The following PTPRD variants were observed in gnomAD, a reference collection of about 807,000 sequenced individuals.
PTPRD encodes the protein protein tyrosine phosphatase receptor type D.
Under a neutral mutation model 214.5 loss-of-function variants are expected in PTPRD, and 34 were observed. The ratio of observed to expected loss-of-function variants is 0.16; its 90% CI spans 0.12 to 0.21. The LOEUF (loss-of-function observed/expected upper bound fraction) is 0.21. Among genes scored for constraint, PTPRD ranks in the 10% least tolerant of loss-of-function variants. The pLI is 1.00. For missense variants in PTPRD, 2,545 were observed against 2,398.7 expected (o/e 1.06, Z -1.27); for synonymous variants, 1,128 against 845.7 (o/e 1.33, Z -5.79).
intron 7 of PTPRD, among the ~76,000 whole-genome samples, chr9:9,721,986 A>G (rs944337578): frequency 6.6e-6 from 1 of 152,044 alleles, no homozygotes. Context: ...AGATTAAGGT[A>G]TGTGTGAGTG....
intron 2 of PTPRD, among the ~76,000 whole-genome samples, chr9:10,576,560 A>C (rs894493755): frequency 2.6e-5 from 4 of 152,112 alleles, no homozygotes; most frequent in African/African-American, 7.2e-5. Flanking sequence ...TGGCGGACTC[A>C]CCTCTTAGAC....
At chr9:8,422,980 T>C (rs574138588) in intron 35 of PTPRD, among the ~76,000 whole-genome samples, 1 of 152,328 alleles carries the variant, frequency 6.6e-6, no homozygotes, top group Non-Finnish European at 1.5e-5. Flanking sequence ...TGCAGCCACA[T>C]AGGCACTCCT....
At chr9:9,079,887 G>C (rs1213363060) in intron 10 of PTPRD, among the ~76,000 whole-genome samples, 1 of 152,042 alleles carries the variant, frequency 6.6e-6, no homozygotes, top group Non-Finnish European at 1.5e-5. Flanking sequence ...TAATACATTG[G>C]TGATGATGTG....
chr9:8,868,279 A>G (rs1473028488), intron 11 of PTPRD, among the ~76,000 whole-genome samples: 2 of 152,170 alleles, frequency 1.3e-5, no homozygotes, highest in Non-Finnish European at 2.9e-5. Flanking sequence ...AGCTACTGCA[A>G]CCTCTGCCTC....
chr9:9,583,419 C>G (rs7021897), intron 7 of PTPRD, among the ~76,000 whole-genome samples: 1,596 of 152,086 alleles, frequency 0.01, 25 homozygotes, highest in African/African-American at 0.037. Flanking sequence ...CAACAATAAC[C>G]TCAATCTATA....
At chr9:8,528,285 G>GA (rs1196110854) in intron 15 of PTPRD, 4 of 433,962 alleles carry the variant, frequency 9.2e-6, no homozygotes, top group African/African-American at 8.2e-5. Flanking sequence ...AGAAAGAGGA[G>GA]AAAATGGATC....
At chr9:8,735,250 T>C (rs1294948422) in intron 11 of PTPRD, among the ~76,000 whole-genome samples, 1 of 151,588 alleles carries the variant, frequency 6.6e-6, no homozygotes, top group Non-Finnish European at 1.5e-5. Context: ...TTCAAGTGGT[T>C]CTCCTGTCTC....
chr9:8,847,235 A>G (rs1231752910), intron 11 of PTPRD, among the ~76,000 whole-genome samples: 2 of 152,246 alleles, frequency 1.3e-5, no homozygotes, highest in East Asian at 3.9e-4. Flanking sequence ...TAAAAGTCGG[A>G]TTAAAATAAA....
intron 9 of PTPRD, among the ~76,000 whole-genome samples, chr9:9,194,984 C>CGT (rs142990152): frequency 0.14 from 21,299 of 148,110 alleles, 1,775 homozygotes; most frequent in Non-Finnish European, 0.19. Flanking sequence ...TTGAACCCTA[C>CGT]GTGTGTGTGT....
intron 3 of PTPRD, among the ~76,000 whole-genome samples, chr9:10,292,174 T>A (rs1452469778): frequency 6.6e-6 from 1 of 152,072 alleles, no homozygotes; most frequent in Non-Finnish European, 1.5e-5. Context: ...CAGCACATTT[T>A]CAATTGCCCA....
intron 8 of PTPRD, among the ~76,000 whole-genome samples, chr9:9,424,615 G>T (rs1423616294): frequency 1.3e-5 from 2 of 152,046 alleles, no homozygotes; most frequent in Non-Finnish European, 2.9e-5. Context: ...GGAGAAAAAC[G>T]GTGAAAGGCT....
intron 11 of PTPRD, among the ~76,000 whole-genome samples, chr9:8,744,110 C>T (rs2092478289): frequency 1.3e-5 from 2 of 152,098 alleles, no homozygotes; most frequent in South Asian, 4.1e-4. Context: ...CACCTCGGTC[C>T]TGCAACAATG....
chr9:10,336,605 C>T (rs912657874), intron 3 of PTPRD, among the ~76,000 whole-genome samples: 3 of 151,454 alleles, frequency 2.0e-5, no homozygotes, highest in Non-Finnish European at 4.4e-5. Flanking sequence ...ATAAAATCTC[C>T]AGTAGCCAAG....
intron 35 of PTPRD, among the ~76,000 whole-genome samples, chr9:8,415,942 G>A (rs141376558): frequency 5.9e-5 from 9 of 152,182 alleles, no homozygotes; most frequent in African/African-American, 2.2e-4. Flanking sequence ...CTCAAGGTCT[G>A]GAAGCCTGTC....
chr9:9,982,823 A>G (rs917956298), intron 4 of PTPRD, among the ~76,000 whole-genome samples: 2 of 152,168 alleles, frequency 1.3e-5, no homozygotes, highest in Non-Finnish European at 2.9e-5. Context: ...ATAGCTTTCT[A>G]TTTATAATGC....
chr9:10,523,195 G>A (rs564592111), intron 2 of PTPRD, among the ~76,000 whole-genome samples: 6 of 152,060 alleles, frequency 3.9e-5, no homozygotes, highest in South Asian at 2.1e-4. Flanking sequence ...AGTACATATC[G>A]TGATGTTTTA....
intron 14 of PTPRD, among the ~76,000 whole-genome samples, chr9:8,608,109 G>A (rs1039797035): frequency 7.0e-6 from 1 of 143,180 alleles, no homozygotes; most frequent in Non-Finnish European, 1.5e-5. Flanking sequence ...ATAGGACACA[G>A]TATTTCTAAA....
In PTPRD at chr9:9,284,304, A is replaced by T. The variant is rs1026931129; in HGVS notation, c.-202-100941T>A. Reference sequence around the variant, plus strand: ...GTTTGTTGGTTTTTATTATCCCATCATCTGGATTTAAAGGCAACTTTAAAA... The same window carrying T: ...GTTTGTTGGTTTTTATTATCCCATCTTCTGGATTTAAAGGCAACTTTAAAA... On this transcript the variant is annotated intron_variant, in intron 9 of 45. Coordinates refer to ENST00000381196, the MANE Select transcript of PTPRD (RefSeq NM_002839.4). Among the ~76,000 whole-genome samples, 7 of 151,644 alleles carry T rather than the reference A, an allele frequency of 4.6e-5. No individual in the cohort carries two copies. In the South Asian group the frequency reaches 8.3e-4, roughly 18 times the overall value.
rs190541137 is a variant in PTPRD, at chr9:8,472,167, A to C, written c.3414-1082T>G. 1.4e-3 allele frequency among the ~76,000 whole-genome samples: 207 copies of C among 152,286 alleles called. 3 individuals carry two copies. The South Asian group carries it at 0.017, about 13-fold the overall frequency. On this transcript the variant is annotated intron_variant, in intron 30 of 45. Coordinates refer to ENST00000381196, the MANE Select transcript of PTPRD (RefSeq NM_002839.4). ...TGGGACGCAAAGCTACATTTATCTT[A>C]ATGGTGGCAGTGGTCTGTCTCTTTT...
Sources: gnomAD v4.1 joint callset for allele counts (sites outside exome capture counted in the v4.1 genomes callset) on GRCh38, gnomAD v4.1.1 for gene constraint, MANE v1.5 for transcripts, NCBI Gene and HGNC (gene_info 2026-07-23, HGNC 2026-07-21) for gene names.